NDE1: variants seen among roughly 807,000 people sequenced by gnomAD.
NDE1 encodes the protein nuclear distribution protein nudE homolog 1.
NDE1 carries 28 observed loss-of-function variants against 43.4 expected under a neutral mutation model. The observed-to-expected ratio is 0.65, with a 90% CI of 0.48 to 0.89. The LOEUF is 0.89. Among genes scored for constraint, NDE1 ranks in the 40% least tolerant of loss-of-function variants. The pLI, the probability that NDE1 is intolerant of heterozygous loss-of-function variation, is 0.00. For synonymous variants in NDE1, 184 were observed against 172.0 expected (o/e 1.07, Z -0.55); for missense variants, 441 against 434.1 (o/e 1.02, Z -0.14).
In NDE1 at chr16:15,654,309, CTA is replaced by C. The variant is rs568647927; in HGVS notation, c.-44+4017_-44+4018del. Among the ~76,000 whole-genome samples, 390 of 152,046 alleles carry C rather than the reference CTA, an allele frequency of 2.6e-3. 5 individuals carry two copies. The highest frequency in any genetic ancestry group is 8.7e-3 in the African/African-American group (362 of 41,518). On this transcript the variant is annotated intron_variant, in intron 1 of 8. Coordinates refer to ENST00000396354, the MANE Select transcript of NDE1 (RefSeq NM_017668.3). ...GCCTATTACAGTGCCTTTTAAAACA[CTA>C]TGTGAGGGCCGGGTGCAATGGCTCA...
intron 8 of NDE1, among the ~76,000 whole-genome samples, chr16:15,712,227 C>T (rs181957962): frequency 5.3e-5 from 8 of 152,172 alleles, no homozygotes; most frequent in East Asian, 1.9e-4. Flanking sequence ...CATGTGGGAA[C>T]GGGAGGGTGG....
At chr16:15,710,118 C>T (rs1420347575) in intron 8 of NDE1, among the ~76,000 whole-genome samples, 6 of 152,164 alleles carry the variant, frequency 3.9e-5, no homozygotes, top group Non-Finnish European at 7.3e-5. Context: ...TGTGTGTATT[C>T]GTGTCGGAAC....
intron 8 of NDE1, among the ~76,000 whole-genome samples, chr16:15,698,428 G>C (rs1249377557): frequency 6.6e-6 from 1 of 152,214 alleles, no homozygotes; most frequent in South Asian, 2.1e-4. Flanking sequence ...TCAGATTCAG[G>C]AATTCTGCAA....
chr16:15,725,379 A>G lies in NDE1; in HGVS notation c.*1128A>G, dbSNP rs1040962749. The G allele has an allele frequency of 2.8e-5, 15 of 539,456 alleles. No homozygotes were observed. Among genetic ancestry groups the G allele is most frequent in the Non-Finnish European group, 4.9e-5 (15 of 309,172 alleles). The allele number at this position is 539,456 out of a possible 1,614,324, so 33.4% of individuals were successfully genotyped here. On this transcript the variant is annotated 3_prime_UTR_variant, in exon 9 of 9. Coordinates refer to ENST00000396354, the MANE Select transcript of NDE1 (RefSeq NM_017668.3). ...GGTGCTCTGGCTGGTCCACTCTCTA[A>G]GGCTGGAGAAGGGAGACCAGGATGG...
At chr16:15,661,767 G>A (rs546019378) in intron 1 of NDE1, among the ~76,000 whole-genome samples, 1 of 152,158 alleles carries the variant, frequency 6.6e-6, no homozygotes, top group South Asian at 2.1e-4. Flanking sequence ...CTTTATCTCT[G>A]GTGATGGGGA....
In NDE1 at chr16:15,658,750, G is replaced by A. The variant is rs143095350; in HGVS notation, c.-43-5986G>A. ...TGGTTCACTGCAACCTCTGGCTCCC[G>A]GGTTCAAGCGATTCTCATGCCTTAG... On this transcript the variant is annotated intron_variant, in intron 1 of 8. Transcript: ENST00000396354. 5.9e-5 allele frequency among the ~76,000 whole-genome samples: 9 copies of A among 152,214 alleles called. No homozygotes were observed. In the East Asian group the frequency reaches 1.2e-3, roughly 20 times the overall value.
At chr16:15,720,215 T>A in intron 8 of NDE1, 2 of 1,614,118 alleles carry the variant, frequency 1.2e-6, no homozygotes, top group Non-Finnish European at 1.7e-6. Context: ...GGCCTGAAGC[T>A]CCAGGTCTTT....
rs541094908 is a variant in NDE1, at chr16:15,678,634, C to T, written c.386+685C>T. Among the ~76,000 whole-genome samples, 206 of 152,216 alleles carry T rather than the reference C, an allele frequency of 1.4e-3. 1 individual carries two copies. Among genetic ancestry groups the T allele is most frequent in the African/African-American group, 4.7e-3 (197 of 41,542 alleles). On this transcript the variant is annotated intron_variant, in intron 4 of 8. Transcript: ENST00000396354. ...GTGATTACAGGTGTGAGCCACTGCGCCCAGCCCAGTGATTCCTAAACTGAT... is the reference window on the plus strand; with the variant it reads ...GTGATTACAGGTGTGAGCCACTGCGTCCAGCCCAGTGATTCCTAAACTGAT...
intron 1 of NDE1, among the ~76,000 whole-genome samples, chr16:15,652,473 C>G (rs1315046425): frequency 2.0e-5 from 3 of 152,162 alleles, no homozygotes; most frequent in Non-Finnish European, 4.4e-5. Context: ...ACACGTGCAC[C>G]TCGTGCAATG....
intron 4 of NDE1, among the ~76,000 whole-genome samples, chr16:15,680,648 T>C (rs539428862): frequency 1.3e-5 from 2 of 152,230 alleles, no homozygotes; most frequent in South Asian, 4.1e-4. Flanking sequence ...CAAGTGATTC[T>C]CCTGCCTCAG....
At chr16:15,674,363 C>T (rs1031388324) in intron 3 of NDE1, among the ~76,000 whole-genome samples, 14 of 152,146 alleles carry the variant, frequency 9.2e-5, no homozygotes, top group African/African-American at 3.4e-4. Flanking sequence ...CCTGCCTCAG[C>T]CTCCCGAGTG....
chr16:15,718,300 C>T lies in NDE1; in HGVS notation c.948-5891C>T. On this transcript the variant is annotated intron_variant, in intron 8 of 8. Transcript: ENST00000396354. ...ACAGTAGGCAGCGTGACTGTGGTGT[C>T]CAGGCGGCCCTCACCTGCTGTGTGG... The T allele has an allele frequency of 6.2e-7, 1 of 1,607,962 alleles. No individual in the cohort carries two copies. The highest frequency in any genetic ancestry group is 8.5e-7 in the Non-Finnish European group (1 of 1,179,956).
intron 8 of NDE1, chr16:15,719,015 C>G: frequency 1.6e-6 from 1 of 621,838 alleles, no homozygotes; most frequent in African/African-American, 1.8e-5. Context: ...GTAGTCTCAG[C>G]TACTCAGAAG....
intron 3 of NDE1, among the ~76,000 whole-genome samples, chr16:15,676,086 CAT>C (rs142540924): frequency 0.013 from 2,024 of 152,066 alleles, 17 homozygotes; most frequent in East Asian, 0.034. Flanking sequence ...TGGTAATTAA[CAT>C]AGATCTCTCT....
rs112426613 is a variant in NDE1, at chr16:15,721,320, C to T, written c.948-2871C>T. 6.4e-4 allele frequency: 851 copies of T among 1,324,512 alleles called. 8 individuals are homozygous for T. The African/African-American group carries it at 9.7e-3, about 15-fold the overall frequency. 82.0% of individuals were successfully genotyped at this position (1,324,512 alleles called of 1,614,324 possible). ...CCTCCTTCCATTTCCGATGATAGTT[C>T]GCTATGAAAAAGGCCAGGAGCTAGC... On this transcript the variant is annotated intron_variant, in intron 8 of 8. Coordinates refer to ENST00000396354, the MANE Select transcript of NDE1 (RefSeq NM_017668.3).
At chr16:15,717,006 C>G (rs1455520638) in intron 8 of NDE1, 10 of 985,928 alleles carry the variant, frequency 1.0e-5, no homozygotes, top group Non-Finnish European at 1.6e-5. Flanking sequence ...CACAACATAC[C>G]TGCACTGTAG....
chr16:15,669,909 T>A (rs2037506505), intron 3 of NDE1, among the ~76,000 whole-genome samples: 1 of 152,222 alleles, frequency 6.6e-6, no homozygotes, highest in Non-Finnish European at 1.5e-5. Flanking sequence ...GCCAGGTATC[T>A]GGAGACCCAG....
chr16:15,718,589 C>T, intron 8 of NDE1: 1 of 1,227,546 alleles, frequency 8.1e-7, no homozygotes, highest in Non-Finnish European at 1.1e-6. Flanking sequence ...TCTGTAGTTA[C>T]ACAGCCAGGA....
intron 7 of NDE1, chr16:15,694,982 G>A (rs2038940546): frequency 1.1e-6 from 1 of 876,826 alleles, no homozygotes; most frequent in Non-Finnish European, 1.4e-6. Context: ...ACCAGCCCGG[G>A]CAACATGGTG....
Sources: gnomAD v4.1 joint callset for allele counts (sites outside exome capture counted in the v4.1 genomes callset) on GRCh38, gnomAD v4.1.1 for gene constraint, MANE v1.5 for transcripts, NCBI Gene and HGNC (gene_info 2026-07-23, HGNC 2026-07-21) for gene names.